Variants in OR8B2 observed in about 807,000 individuals in gnomAD.
The protein encoded by OR8B2 is olfactory receptor family 8 subfamily B member 2.
For missense variants in OR8B2, 304 were observed against 379.6 expected (o/e 0.80, Z 1.65); for synonymous variants, 98 against 138.2 (o/e 0.71, Z 2.04).
Position 124,382,980 on chromosome 11 carries a change from G to A in OR8B2, c.364C>T (p.Arg122Cys), listed in dbSNP as rs771790063. 4 of 1,612,692 alleles carry A rather than the reference G, an allele frequency of 2.5e-6. No homozygotes were observed. The highest frequency in any genetic ancestry group is 2.2e-5 in the East Asian group (1 of 44,868). Residue 122 changes from arginine to cysteine, a missense_variant, in exon 2 of 2, where the codon CGC (arginine) becomes TGC (cysteine). Physicochemically the swap from Arg to Cys is radical, Grantham distance 180. Coordinates refer to ENST00000641451, the MANE Select transcript of OR8B2 (RefSeq NM_001005468.2). The part of the protein sequence containing the change: ...CYMLTSMAYD[R>C]YVAICNPLLY... ...AATGGATTACAGATGGCCACATAGCGATCATATGCCATTGAAGTCAACATG... is the reference window on the plus strand; with the variant it reads ...AATGGATTACAGATGGCCACATAGCAATCATATGCCATTGAAGTCAACATG...
At chr11:124,396,543 C>G in the OR8B2 span, 18 of 1,613,696 alleles carry the variant, frequency 1.1e-5, no homozygotes, top group Non-Finnish European at 1.4e-5. Flanking sequence ...AGAAACTTTT[C>G]CCTGCTCCAT....
chr11:124,385,516 GTGTGT>G (rs1415612837), upstream of OR8B2, among the ~76,000 whole-genome samples: 1 of 151,050 alleles, frequency 6.6e-6, no homozygotes. Context: ...GTGTGTGTGT[GTGTGT>G]GTCTGTGTGT....
chr11:124,390,517 T>G, the OR8B2 span, among the ~76,000 whole-genome samples: 1 of 152,172 alleles, frequency 6.6e-6, no homozygotes, highest in Non-Finnish European at 1.5e-5. Context: ...CGAATTTGTG[T>G]TGGGCCATAT....
At chr11:124,396,645 T>G in the OR8B2 span, 3 of 1,611,620 alleles carry the variant, frequency 1.9e-6, no homozygotes, top group Non-Finnish European at 2.5e-6. Context: ...ACTGAAGGCT[T>G]TTGATCTTCC....
chr11:124,389,756 A>G, the OR8B2 span, among the ~76,000 whole-genome samples: 1 of 152,216 alleles, frequency 6.6e-6, no homozygotes, highest in East Asian at 1.9e-4. Flanking sequence ...ACAAGTTTAT[A>G]GTCTATGACA....
rs71491825 is a variant in OR8B2, at chr11:124,383,086, C to T, written c.258G>A (p.Val86=). 1.5e-4 allele frequency: 239 copies of T among 1,612,362 alleles called. 1 individual carries two copies. Among genetic ancestry groups the T allele is most frequent in the South Asian group, 4.7e-4 (43 of 90,946 alleles). ...VFTPKMLMNF[V]SKKNIISNVG... ...CATTGGAGATAATATTCTTTTTTGACACAAAGTTCATTAGCATTTTGGGAG... is the reference window on the plus strand; with the variant it reads ...CATTGGAGATAATATTCTTTTTTGATACAAAGTTCATTAGCATTTTGGGAG... The change falls in exon 2 of 2, where the codon GTG becomes GTA. Residue 86 remains valine, a synonymous_variant. Coordinates refer to ENST00000641451, the MANE Select transcript of OR8B2 (RefSeq NM_001005468.2).
At chr11:124,384,265 G>A (rs1301202693) in intron 1 of OR8B2, 109 bp downstream of exon 1, 1 of 152,260 alleles carries the variant, frequency 6.6e-6, no homozygotes, top group Non-Finnish European at 1.5e-5. Flanking sequence ...AAAAATGCAA[G>A]CCCGAGAGTC....
At chr11:124,386,156 G>T (rs2134193963), upstream of OR8B2, among the ~76,000 whole-genome samples, 1 of 143,286 alleles carries the variant, frequency 7.0e-6, no homozygotes, top group Admixed American at 6.9e-5. Flanking sequence ...AAATCTGGGA[G>T]TTGTTCTAAT....
chr11:124,394,571 T>C, the OR8B2 span, among the ~76,000 whole-genome samples: 1 of 152,154 alleles, frequency 6.6e-6, no homozygotes, highest in African/African-American at 2.4e-5. Context: ...AGATTTCCTA[T>C]CAGAAAAGAT....
At position 124,382,472 on chromosome 11, in the gene OR8B2, A is replaced by C. The variant is rs1860607124; in HGVS notation, c.872T>G (p.Leu291Trp). The part of the protein sequence containing the change: ...VPMLNPLIYS[L>W]RNKDVKVALR... ...TGCAACTTTGACATCCTTGTTCCTC[A>C]AACTGTAGATGAGGGGATTGAGCAT... The change falls in exon 2 of 2, where the codon TTG becomes TGG. Residue 291 changes from leucine to tryptophan, a missense_variant. Coordinates refer to ENST00000641451, the MANE Select transcript of OR8B2 (RefSeq NM_001005468.2). 1.2e-6 allele frequency: 2 copies of C among 1,613,962 alleles called. No individual in the cohort carries two copies. The highest frequency in any genetic ancestry group is 4.5e-5 in the East Asian group (2 of 44,880).
upstream of OR8B2, among the ~76,000 whole-genome samples, chr11:124,387,343 T>C (rs1860718999): frequency 6.6e-6 from 1 of 152,220 alleles, no homozygotes; most frequent in Admixed American, 6.5e-5. Context: ...CATGCCTATG[T>C]CCTGAATGGT....
chr11:124,385,488 ATGCGTG>A (rs1565347330), upstream of OR8B2, among the ~76,000 whole-genome samples: 4 of 79,898 alleles, frequency 5.0e-5, no homozygotes, highest in Non-Finnish European at 7.9e-5. Context: ...GCAATTTAAC[ATGCGTG>A]TGTGTGTGTG....
the OR8B2 span, among the ~76,000 whole-genome samples, chr11:124,393,240 C>T: frequency 6.9e-6 from 1 of 145,050 alleles, no homozygotes; most frequent in South Asian, 2.2e-4. Flanking sequence ...AAAGCAATGG[C>T]AAGAAAAGCC....
At chr11:124,396,332 A>G in the OR8B2 span, 1 of 1,220,588 alleles carries the variant, frequency 8.2e-7, no homozygotes, top group Non-Finnish European at 1.1e-6. Context: ...CATCTGTAGA[A>G]ACAACAAAAT....
upstream of OR8B2, among the ~76,000 whole-genome samples, chr11:124,387,656 C>T (rs1372548935): frequency 1.3e-5 from 2 of 148,996 alleles, no homozygotes; most frequent in African/African-American, 5.0e-5. Context: ...GTTTTGGTGA[C>T]TGTAGCCTTG....
Position 124,383,213 on chromosome 11 carries a change from C to G in OR8B2, c.131G>C (p.Gly44Ala), listed in dbSNP as rs1001921269. The G allele has an allele frequency of 6.2e-7, 1 of 1,613,910 alleles. No individual in the cohort carries two copies. The highest frequency in any genetic ancestry group is 8.5e-7 in the Non-Finnish European group (1 of 1,179,856). Reference protein sequence around the residue: ...IYIVTMVGNLGLITLFGLNSH... With the variant: ...IYIVTMVGNLALITLFGLNSH... ...ATTTAGACCGAAAAGAGTGATCAAG[C>G]CAAGGTTGCCTACCATGGTGACAAT... is the stretch of plus-strand genomic sequence containing the variant. Residue 44 changes from glycine to alanine, a missense_variant, in exon 2 of 2, where the codon GGC becomes GCC. Transcript: ENST00000641451.
upstream of OR8B2, among the ~76,000 whole-genome samples, chr11:124,388,325 CCT>C (rs1226943552): frequency 6.6e-6 from 1 of 151,354 alleles, no homozygotes; most frequent in Non-Finnish European, 1.5e-5. Flanking sequence ...AGATGGCATC[CCT>C]GTCTTGTGCC....
At chr11:124,396,882 G>A in the OR8B2 span, 41 of 1,605,512 alleles carry the variant, frequency 2.6e-5, no homozygotes, top group East Asian at 6.7e-5. Context: ...GGTGTGGGCC[G>A]TGGCTCCAGC....
chr11:124,396,622 G>C, the OR8B2 span: 4 of 1,612,118 alleles, frequency 2.5e-6, no homozygotes, highest in Non-Finnish European at 2.5e-6. Flanking sequence ...GCAATGACAT[G>C]AGAGCTACAA....
Sources: gnomAD v4.1 joint callset for allele counts (sites outside exome capture counted in the v4.1 genomes callset) on GRCh38, gnomAD v4.1.1 for gene constraint, MANE v1.5 for transcripts, NCBI Gene and HGNC (gene_info 2026-07-23, HGNC 2026-07-21) for gene names.